The following DLC1 variants were observed in gnomAD, a reference collection of about 807,000 sequenced individuals.
DLC1 encodes the protein rho GTPase-activating protein 7.
Under a neutral mutation model 140.3 loss-of-function variants are expected in DLC1, and 54 were observed. The ratio of observed to expected loss-of-function variants is 0.38; its 90% confidence interval spans 0.31 to 0.48. DLC1 has a LOEUF of 0.48. Among genes scored for constraint, DLC1 ranks in the 20% least tolerant of loss-of-function variants. DLC1 has a pLI of 0.96. For missense variants in DLC1, 2,536 were observed against 1,907.0 expected, an observed-to-expected ratio of 1.33 and a Z score of -6.14; for synonymous variants, 986 against 728.1, an observed-to-expected ratio of 1.35 and a Z score of -5.70.
At position 13,473,195 on chromosome 8, in the gene DLC1, G is replaced by T. The variant is rs547372552; in HGVS notation, c.1023+25854C>A. ...AACAGGAAGACAGGTTTTCAGTAGA[G>T]AATTCTTGAAGTCCTTCTTTAGTGG... On this transcript the variant is annotated intron_variant, in intron 2 of 17. Transcript: ENST00000276297. Among the ~76,000 whole-genome samples, 9 of 152,256 alleles carry T rather than the reference G, an allele frequency of 5.9e-5. 1 individual carries two copies. In the South Asian group the frequency reaches 1.9e-3, roughly 32 times the overall value.
At chr8:13,133,435 G>A in intron 5 of DLC1, 1 of 439,782 alleles carries the variant, frequency 2.3e-6, no homozygotes, top group Non-Finnish European at 2.9e-6. Context: ...CCCATTCCCA[G>A]GCTCCGCCCC....
At chr8:13,551,302 A>G (rs891285957) in intron 1 of DLC1, among the ~76,000 whole-genome samples, 4 of 152,082 alleles carry the variant, frequency 2.6e-5, no homozygotes, top group African/African-American at 4.8e-5. Flanking sequence ...CAGTATGTGC[A>G]CACATATCTC....
Position 13,085,702 on chromosome 8 carries a change from T to TA in DLC1, c.*108_*109insT, listed in dbSNP as rs1235641607. 3.1e-4 allele frequency: 472 copies of TA among 1,505,722 alleles called. No homozygotes were observed. The African/African-American group carries it at 6.1e-3, about 20-fold the overall frequency. 93.3% of individuals were successfully genotyped at this position (1,505,722 alleles called of 1,614,324 possible). On this transcript the variant is annotated 3_prime_UTR_variant, in exon 18 of 18. Transcript: ENST00000276297. ...TATAGTCAATTCCTACACTCCAGCTTGTAGTTTTCTTTGTTTCAGGATTAG... is the reference window on the plus strand; with the variant it reads ...TATAGTCAATTCCTACACTCCAGCTTAGTAGTTTTCTTTGTTTCAGGATTAG...
intron 2 of DLC1, among the ~76,000 whole-genome samples, chr8:13,430,683 T>C (rs1838824092): frequency 6.6e-6 from 1 of 152,212 alleles, no homozygotes; most frequent in African/African-American, 2.4e-5. Context: ...TTTAGGAAAT[T>C]TGGTAATTAA....
At chr8:13,345,547 C>CTTTTTTT (rs535092622) in intron 4 of DLC1, among the ~76,000 whole-genome samples, 2,062 of 67,388 alleles carry the variant, frequency 0.031, 250 homozygotes, top group East Asian at 0.21. Flanking sequence ...TTCACTCACA[C>CTTTTTTT]TTTTTTTTTT....
At chr8:13,459,620 C>T (rs79808988) in intron 2 of DLC1, among the ~76,000 whole-genome samples, 1 of 152,062 alleles carries the variant, frequency 6.6e-6, no homozygotes, top group Non-Finnish European at 1.5e-5. Context: ...GCCCCAGGAC[C>T]CCCAGTTCTG....
chr8:13,415,825 G>A (rs1239462876), intron 2 of DLC1, among the ~76,000 whole-genome samples: 1 of 151,960 alleles, frequency 6.6e-6, no homozygotes, highest in Non-Finnish European at 1.5e-5. Context: ...TGATAAATAT[G>A]GAACTATTGA....
intron 5 of DLC1, among the ~76,000 whole-genome samples, chr8:13,120,209 G>C (rs867176647): frequency 1.4e-4 from 21 of 151,042 alleles, no homozygotes; most frequent in African/African-American, 5.1e-4. Context: ...CAGGCGTGGT[G>C]GCGGGTGCCT....
intron 2 of DLC1, among the ~76,000 whole-genome samples, chr8:13,427,858 G>T (rs1838664193): frequency 6.6e-6 from 1 of 152,170 alleles, no homozygotes; most frequent in African/African-American, 2.4e-5. Flanking sequence ...GCTCTGGGAT[G>T]CAGGAATGAT....
intron 2 of DLC1, among the ~76,000 whole-genome samples, chr8:13,406,109 C>A (rs1397176605): frequency 6.8e-6 from 1 of 147,938 alleles, no homozygotes; most frequent in Admixed American, 6.8e-5. Flanking sequence ...CAGGTTCAAG[C>A]GATTCTCCTG....
chr8:13,302,269 T>C (rs1832231565), intron 5 of DLC1, among the ~76,000 whole-genome samples: 1 of 152,174 alleles, frequency 6.6e-6, no homozygotes, highest in African/African-American at 2.4e-5. Flanking sequence ...GAGTTTGAGT[T>C]CCTATGGGGC....
At chr8:13,547,733 A>T (rs890154045) in intron 1 of DLC1, among the ~76,000 whole-genome samples, 1 of 152,004 alleles carries the variant, frequency 6.6e-6, no homozygotes. Context: ...CTCTATCTGC[A>T]CTCATCTATC....
At chr8:13,193,146 C>A (rs1032376503) in intron 5 of DLC1, among the ~76,000 whole-genome samples, 11 of 152,184 alleles carry the variant, frequency 7.2e-5, no homozygotes, top group African/African-American at 2.7e-4. Flanking sequence ...TTAGAACACA[C>A]TGACACCTAT....
intron 5 of DLC1, among the ~76,000 whole-genome samples, chr8:13,129,046 A>C (rs570249378): frequency 2.4e-4 from 36 of 152,282 alleles, no homozygotes; most frequent in Admixed American, 2.0e-3. Flanking sequence ...AAGGTCCCAC[A>C]GAAGGAAAAG....
Position 13,310,658 on chromosome 8 carries a change from T to C in DLC1, c.1315-5356A>G, listed in dbSNP as rs187066491. On this transcript the variant is annotated intron_variant, in intron 4 of 17. Transcript: ENST00000276297. ...ATCTCTTCTTCATTTAAAGAGTCTT[T>C]TGAAATCACGCCATTCTGCAATATT... 3.9e-5 allele frequency among the ~76,000 whole-genome samples: 6 copies of C among 152,356 alleles called. No individual in the cohort carries two copies. In the East Asian group the frequency reaches 1.2e-3, roughly 29 times the overall value.
At chr8:13,093,020 C>G (rs1818211171) in intron 12 of DLC1, among the ~76,000 whole-genome samples, 195 bp from the exon 13 acceptor site, 1 of 152,068 alleles carries the variant, frequency 6.6e-6, no homozygotes, top group African/African-American at 2.4e-5. Context: ...TATTTCCTGC[C>G]TCATGAAGGA....
chr8:13,463,799 C>G (rs1484136901), intron 2 of DLC1, among the ~76,000 whole-genome samples: 1 of 152,140 alleles, frequency 6.6e-6, no homozygotes, highest in Non-Finnish European at 1.5e-5. Context: ...TCATCCTTCC[C>G]TAGAGAGTTT....
intron 2 of DLC1, among the ~76,000 whole-genome samples, chr8:13,446,574 G>T (rs1798784697): frequency 6.6e-6 from 1 of 151,768 alleles, no homozygotes; most frequent in South Asian, 2.1e-4. Flanking sequence ...GGAAAGGAAG[G>T]AAAAAAGAGA....
At chr8:13,406,035 C>G (rs1222199934) in intron 2 of DLC1, among the ~76,000 whole-genome samples, 1 of 141,038 alleles carries the variant, frequency 7.1e-6, no homozygotes, top group Non-Finnish European at 1.5e-5. Flanking sequence ...GAGATGGAGT[C>G]CAGCTCTGTC....
Sources: allele counts gnomAD v4.1 joint callset (sites outside exome capture counted in the v4.1 genomes callset), GRCh38; gene constraint gnomAD v4.1.1; transcripts MANE v1.5; gene names NCBI Gene and HGNC (gene_info 2026-07-23, HGNC 2026-07-21).